The following HYAL4 variants were observed in gnomAD, a reference collection of about 807,000 sequenced individuals.
The protein encoded by HYAL4 is hyaluronidase 4.
Under a neutral mutation model 35.2 loss-of-function variants are expected in HYAL4, and 37 were observed. That is an observed-to-expected ratio of 1.05 (90% CI 0.81 to 1.38). HYAL4 has a LOEUF of 1.38. HYAL4 is among the 40% of genes most tolerant of loss of function. The probability of loss-of-function intolerance (pLI) is 0.00; values close to 1 mark genes in which losing one functional copy is unlikely to be tolerated. For synonymous variants in HYAL4, 198 were observed against 203.2 expected (o/e 0.97, Z 0.22); for missense variants, 572 against 572.4 (o/e 1.00, Z 0.01).
the HYAL4 span, among the ~76,000 whole-genome samples, chr7:123,795,749 G>A: frequency 7.2e-5 from 11 of 152,180 alleles, no homozygotes; most frequent in Non-Finnish European, 1.0e-4. Flanking sequence ...TTTACTAGCA[G>A]CATGAGAACA....
chr7:123,797,184 ACT>A, the HYAL4 span, among the ~76,000 whole-genome samples: 12 of 152,212 alleles, frequency 7.9e-5, no homozygotes, highest in Admixed American at 4.6e-4. Context: ...GCTTAATGAG[ACT>A]CAATCGTAAA....
intron 1 of HYAL4, among the ~76,000 whole-genome samples, chr7:123,837,037 C>CA (rs886199224): frequency 5.3e-4 from 76 of 143,676 alleles, no homozygotes; most frequent in Admixed American, 9.8e-4. Context: ...AAAACAGAAA[C>CA]AAAAAAAAAA....
intron 2 of HYAL4, among the ~76,000 whole-genome samples, chr7:123,861,223 A>G (rs1400287797): frequency 6.6e-6 from 1 of 151,708 alleles, no homozygotes; most frequent in Non-Finnish European, 1.5e-5. Flanking sequence ...GTATCCCAAC[A>G]CTCCTAATCA....
At chr7:123,764,332 G>A in the HYAL4 span, among the ~76,000 whole-genome samples, 1 of 152,308 alleles carries the variant, frequency 6.6e-6, no homozygotes, top group African/African-American at 2.4e-5. Flanking sequence ...AATTTCCCGG[G>A]TGAGTTGTCC....
At chr7:123,827,123 T>G (rs1805811406), upstream of HYAL4, among the ~76,000 whole-genome samples, 1 of 151,860 alleles carries the variant, frequency 6.6e-6, no homozygotes, top group African/African-American at 2.4e-5. Context: ...ACTAATGAGA[T>G]GGGGTGAGCT....
intron 1 of HYAL4, among the ~76,000 whole-genome samples, chr7:123,833,203 G>A (rs1805910761): frequency 6.6e-6 from 1 of 152,172 alleles, no homozygotes; most frequent in South Asian, 2.1e-4. Context: ...CACCAGCAGT[G>A]TGGAAGTGTT....
chr7:123,793,955 T>C, the HYAL4 span, among the ~76,000 whole-genome samples: 1 of 152,116 alleles, frequency 6.6e-6, no homozygotes, highest in Non-Finnish European at 1.5e-5. Flanking sequence ...CCTAGAGACT[T>C]GGAGGGCACA....
At chr7:123,846,683 TTGTTACAAAGTTCAG>T (rs2116922488) in intron 1 of HYAL4, among the ~76,000 whole-genome samples, 1 of 152,216 alleles carries the variant, frequency 6.6e-6, no homozygotes, top group Non-Finnish European at 1.5e-5. Flanking sequence ...TCTGTTGGAA[TTGTTACAAAGTTCAG>T]CTGGAGGTTT....
At position 123,870,773 on chromosome 7, in the gene HYAL4, A is replaced by C. The variant is rs1563004860; in HGVS notation, c.954+1546A>C. 2.6e-5 allele frequency among the ~76,000 whole-genome samples: 4 copies of C among 151,980 alleles called. No homozygotes were observed. In the South Asian group the frequency reaches 8.3e-4, roughly 32 times the overall value. ...AAACTCCATCTCAAAAAAAAAAAAA[A>C]AGAAAGAAAGTTACGTAAATCTTTA... is the stretch of plus-strand genomic sequence containing the variant. On this transcript the variant is annotated intron_variant, in intron 3 of 4. Transcript: ENST00000223026.
At chr7:123,832,703 G>A (rs942521851) in intron 1 of HYAL4, among the ~76,000 whole-genome samples, 1 of 151,382 alleles carries the variant, frequency 6.6e-6, no homozygotes, top group Non-Finnish European at 1.5e-5. Context: ...GGGTTTCACT[G>A]TGTTAGCCAG....
intron 1 of HYAL4, among the ~76,000 whole-genome samples, chr7:123,837,670 T>TC (rs1479785076): frequency 1.1e-5 from 1 of 92,318 alleles, no homozygotes. Flanking sequence ...ATGCTATCCC[T>TC]CCCCCCTCCC....
At chr7:123,773,838 C>T in the HYAL4 span, among the ~76,000 whole-genome samples, 8 of 152,162 alleles carry the variant, frequency 5.3e-5, no homozygotes, top group African/African-American at 1.9e-4. Flanking sequence ...GTTTTCACCT[C>T]TCCCTCAAAT....
intron 1 of HYAL4, among the ~76,000 whole-genome samples, chr7:123,846,116 G>A (rs1473675205): frequency 1.3e-5 from 2 of 152,208 alleles, no homozygotes; most frequent in South Asian, 4.1e-4. Flanking sequence ...CACTATTTTT[G>A]TATTGGCCTC....
At position 123,832,479 on chromosome 7, in the gene HYAL4, C is replaced by CTTTTTTTTTTTTTT. The variant is rs71163703; in HGVS notation, c.-257+3380_-257+3393dup. On this transcript the variant is annotated intron_variant, in intron 1 of 4. Transcript: ENST00000489978. ...AGTCCCCAAAGTCTATTGTGTCATACTTTTTTTTTTTTTTTTTTTTTTTTT... is the reference window on the plus strand; with the variant it reads ...AGTCCCCAAAGTCTATTGTGTCATACTTTTTTTTTTTTTTTTTTTTTTTTTTTTTTTTTTTTTTT... 1.6e-3 allele frequency among the ~76,000 whole-genome samples: 35 copies of CTTTTTTTTTTTTTT among 21,836 alleles called. 10 individuals are homozygous for CTTTTTTTTTTTTTT. The highest frequency in any genetic ancestry group is 2.2e-3 in the African/African-American group (8 of 3,592). The allele number at this position is 21,836 out of a possible 152,430, so 14.3% of individuals were successfully genotyped here.
At chr7:123,786,321 T>C in the HYAL4 span, among the ~76,000 whole-genome samples, 1 of 152,232 alleles carries the variant, frequency 6.6e-6, no homozygotes, top group South Asian at 2.1e-4. Flanking sequence ...TTGCCAATGA[T>C]GCTGAGGTTT....
chr7:123,876,195 C>A (rs1807019461), intron 4 of HYAL4: 2 of 341,406 alleles, frequency 5.9e-6, no homozygotes, highest in Middle Eastern at 7.8e-4. Flanking sequence ...AGTACAGGAC[C>A]CAGGACAGTT....
chr7:123,795,262 G>T, the HYAL4 span, among the ~76,000 whole-genome samples: 1 of 152,164 alleles, frequency 6.6e-6, no homozygotes, highest in South Asian at 2.1e-4. Context: ...AAGCAGAAGG[G>T]ACTTGCTTGT....
chr7:123,788,293 A>G, the HYAL4 span, among the ~76,000 whole-genome samples: 1 of 152,208 alleles, frequency 6.6e-6, no homozygotes, highest in Admixed American at 6.5e-5. Flanking sequence ...AAAAATGCTC[A>G]ATGAACTGAA....
chr7:123,869,677 C>T (rs1806811200), intron 3 of HYAL4, among the ~76,000 whole-genome samples: 2 of 145,464 alleles, frequency 1.4e-5, no homozygotes, highest in Middle Eastern at 3.5e-3. Flanking sequence ...GTATTTTAAT[C>T]TTTGTTTTGT....
Sources: allele counts gnomAD v4.1 joint callset (sites outside exome capture counted in the v4.1 genomes callset), GRCh38; gene constraint gnomAD v4.1.1; transcripts MANE v1.5; gene names NCBI Gene and HGNC (gene_info 2026-07-23, HGNC 2026-07-21).